The following CHN1 variants were observed in gnomAD, a reference collection of about 807,000 sequenced individuals.
CHN1 encodes N-chimaerin.
A neutral mutation model predicts 59.5 loss-of-function variants in CHN1; 37 were observed. The ratio of observed to expected loss-of-function variants is 0.62; its 90% confidence interval spans 0.48 to 0.82. The LOEUF (loss-of-function observed/expected upper bound fraction) is 0.82, where lower values mean the gene tolerates loss of function less well. Ranked by LOEUF, CHN1 falls within the 40% of genes least tolerant of loss-of-function variation. The probability of loss-of-function intolerance (pLI) is 0.00; values close to 1 mark genes in which losing one functional copy is unlikely to be tolerated. For missense variants in CHN1, 469 were observed against 571.0 expected, an observed-to-expected ratio of 0.82 and a Z score of 1.82; for synonymous variants, 206 against 200.4, an observed-to-expected ratio of 1.03 and a Z score of -0.24.
At position 174,841,034 on chromosome 2, in the gene CHN1, C is replaced by T. The variant is rs149186122; in HGVS notation, c.627+5846G>A. Among the ~76,000 whole-genome samples the T allele has an allele frequency of 2.8e-4, 42 of 152,216 alleles. No individual in the cohort carries two copies. In the East Asian group the frequency reaches 7.7e-3, roughly 28 times the overall value. ...TATAAAACATCTCCAGAATAAAGGG[C>T]CATGGTCTGTGAGAATAATATGGGT... On this transcript the variant is annotated intron_variant, in intron 7 of 12. Coordinates refer to ENST00000409900, the MANE Select transcript of CHN1 (RefSeq NM_001822.7).
At chr2:174,872,554 A>C (rs1484917471) in intron 6 of CHN1, among the ~76,000 whole-genome samples, 8 of 152,188 alleles carry the variant, frequency 5.3e-5, no homozygotes, top group Non-Finnish European at 7.4e-5. Flanking sequence ...AAAATAATAT[A>C]TTTTGGCCTT....
rs1180864080 is a variant in CHN1 at position 174,862,242 on chromosome 2, C to G, written c.550-15285G>C. Among the ~76,000 whole-genome samples the G allele has an allele frequency of 1.3e-5, 2 of 151,990 alleles. 1 individual carries two copies. Among genetic ancestry groups the G allele is most frequent in the Non-Finnish European group, 2.9e-5 (2 of 68,006 alleles). On this transcript the variant is annotated intron_variant, in intron 6 of 12. Transcript: ENST00000409900. ...TCACTGCCAAAATATCAAACCATGTCCTCAGTTGAATAATGTTTCTTTGTT... is the reference window on the plus strand; with the variant it reads ...TCACTGCCAAAATATCAAACCATGTGCTCAGTTGAATAATGTTTCTTTGTT...
chr2:174,829,988 C>G (rs1195906861), intron 7 of CHN1, among the ~76,000 whole-genome samples: 1 of 152,004 alleles, frequency 6.6e-6, no homozygotes, highest in East Asian at 1.9e-4. Context: ...AAATCAAACC[C>G]TAATTTGGCC....
At chr2:174,989,465 C>T (rs979463848) in intron 1 of CHN1, among the ~76,000 whole-genome samples, 11 of 151,458 alleles carry the variant, frequency 7.3e-5, no homozygotes, top group African/African-American at 2.7e-4. Flanking sequence ...ACACAGTAAG[C>T]AACATATTAA....
At chr2:174,809,582 T>A (rs1174523973) in intron 10 of CHN1, among the ~76,000 whole-genome samples, 1 of 152,230 alleles carries the variant, frequency 6.6e-6, no homozygotes, top group Non-Finnish European at 1.5e-5. Context: ...TTAAACTGGT[T>A]CTTTTAAAAC....
chr2:174,953,296 T>C (rs542787029), intron 1 of CHN1, among the ~76,000 whole-genome samples: 153 of 152,292 alleles, frequency 1.0e-3, no homozygotes, highest in African/African-American at 3.4e-3. Flanking sequence ...ACTTCATTTA[T>C]AATGTGTTAT....
At chr2:174,944,386 A>G (rs578037987) in intron 3 of CHN1, among the ~76,000 whole-genome samples, 1 of 152,350 alleles carries the variant, frequency 6.6e-6, no homozygotes, top group Admixed American at 6.5e-5. Context: ...CCAATCTGCA[A>G]AGTAAAAATG....
intron 5 of CHN1, among the ~76,000 whole-genome samples, chr2:174,895,211 TATAC>T (rs764808393): frequency 3.5e-5 from 5 of 142,108 alleles, no homozygotes; most frequent in South Asian, 2.2e-4. Context: ...TATATATATA[TATAC>T]ACACACACAC....
At chr2:174,947,744 A>G (rs891408934) in intron 2 of CHN1, among the ~76,000 whole-genome samples, 4 of 152,140 alleles carry the variant, frequency 2.6e-5, no homozygotes, top group African/African-American at 7.2e-5. Context: ...TTGGCTTCTT[A>G]AAATGCTGGG....
At chr2:174,956,909 A>G (rs1690224244) in intron 1 of CHN1, among the ~76,000 whole-genome samples, 1 of 152,248 alleles carries the variant, frequency 6.6e-6, no homozygotes, top group South Asian at 2.1e-4. Context: ...TGAATTTAGC[A>G]GCAAATACTG....
Position 174,812,354 on chromosome 2 carries a change from G to T in CHN1, c.841C>A (p.Arg281=). 6.2e-7 allele frequency: 1 copy of T among 1,613,854 alleles called. No homozygotes were observed. The highest frequency in any genetic ancestry group is 8.5e-7 in the Non-Finnish European group (1 of 1,179,822). ...TTLVKAHTTK[R]PMVVDMCIRE... ...ATGCACATGTCTACCACCATTGGCC[G>T]CTTAGTGGTATGTGCTTTCACGAGC... The change falls in exon 9 of 13, where the codon CGG becomes AGG. Residue 281 remains arginine, a synonymous_variant. Coordinates refer to ENST00000409900, the MANE Select transcript of CHN1 (RefSeq NM_001822.7).
At chr2:174,850,511 G>T (rs1686695585) in intron 6 of CHN1, among the ~76,000 whole-genome samples, 1 of 152,148 alleles carries the variant, frequency 6.6e-6, no homozygotes, top group Non-Finnish European at 1.5e-5. Context: ...TTACTGGGAA[G>T]TTTAAAGAAA....
chr2:174,839,057 T>C (rs1269165197), intron 7 of CHN1, among the ~76,000 whole-genome samples: 1 of 152,072 alleles, frequency 6.6e-6, no homozygotes, highest in East Asian at 1.9e-4. Flanking sequence ...AATTATTTCA[T>C]TTTTAATTGA....
chr2:174,921,360 A>G (rs1400801110), intron 3 of CHN1, among the ~76,000 whole-genome samples: 2 of 152,180 alleles, frequency 1.3e-5, no homozygotes, highest in Non-Finnish European at 2.9e-5. Flanking sequence ...TCCGAGTGGA[A>G]AAACTAGTTT....
At chr2:174,907,166 T>C (rs1213624658) in intron 5 of CHN1, among the ~76,000 whole-genome samples, 1 of 152,084 alleles carries the variant, frequency 6.6e-6, no homozygotes, top group Non-Finnish European at 1.5e-5. Context: ...CAAGAGGAAA[T>C]GAGGGATCAA....
intron 3 of CHN1, among the ~76,000 whole-genome samples, chr2:174,941,973 C>T (rs568247888): frequency 6.6e-6 from 1 of 152,140 alleles, no homozygotes; most frequent in South Asian, 2.1e-4. Flanking sequence ...GTTAGTATGT[C>T]ACCCCAGTTA....
intron 7 of CHN1, among the ~76,000 whole-genome samples, chr2:174,825,732 T>C (rs553924933): frequency 2.6e-4 from 40 of 152,220 alleles, no homozygotes; most frequent in Non-Finnish European, 5.3e-4. Context: ...ACAGCTAAGA[T>C]TGTCATTTTT....
rs1437195574 is a variant in CHN1 at position 174,945,925 on chromosome 2, G to GTA, written c.59-983_59-982insTA. On this transcript the variant is annotated intron_variant, in intron 2 of 12. Coordinates refer to ENST00000409900, the MANE Select transcript of CHN1 (RefSeq NM_001822.7). ...ATAATTAGCCTGTGTGTGTGTGTGT[G>GTA]TGTGTGTATATATATATAAATGTGT... Among the ~76,000 whole-genome samples, 165 of 150,536 alleles carry GTA rather than the reference G, an allele frequency of 1.1e-3. 1 individual carries two copies. The highest frequency in any genetic ancestry group is 3.9e-3 in the African/African-American group (158 of 40,372).
At chr2:174,941,733 T>C (rs1438072777) in intron 3 of CHN1, among the ~76,000 whole-genome samples, 1 of 152,122 alleles carries the variant, frequency 6.6e-6, no homozygotes, top group Non-Finnish European at 1.5e-5. Flanking sequence ...AAAAATAAAC[T>C]ATTTTTTTTT....
Sources: allele counts gnomAD v4.1 joint callset (sites outside exome capture counted in the v4.1 genomes callset), GRCh38; gene constraint gnomAD v4.1.1; transcripts MANE v1.5; gene names NCBI Gene and HGNC (gene_info 2026-07-23, HGNC 2026-07-21).